DTNA: variants seen among roughly 807,000 people sequenced by gnomAD.
DTNA encodes the protein dystrobrevin alpha, also known as dystrophin-related protein 3.
A neutral mutation model predicts 100.7 loss-of-function variants in DTNA; 43 were observed. The ratio of observed to expected loss-of-function variants is 0.43; its 90% CI spans 0.33 to 0.55. DTNA has a LOEUF of 0.55. DTNA is among the 20% of genes least tolerant of loss of function. DTNA has a pLI of 0.04. For synonymous variants in DTNA, 349 were observed against 347.9 expected (o/e 1.00, Z -0.04); for missense variants, 798 against 953.9 (o/e 0.84, Z 2.15).
At chr18:34,714,301 C>A (rs1373921142) in intron 1 of DTNA, among the ~76,000 whole-genome samples, 1 of 147,188 alleles carries the variant, frequency 6.8e-6, no homozygotes, top group South Asian at 2.2e-4. Context: ...AGGCAACCTA[C>A]AAAATGGGAG....
chr18:34,702,804 G>A (rs2081563641), intron 1 of DTNA, among the ~76,000 whole-genome samples: 1 of 151,976 alleles, frequency 6.6e-6, no homozygotes, highest in Non-Finnish European at 1.5e-5. Flanking sequence ...AAAAAAAAGA[G>A]CAATCATAAA....
At chr18:34,538,745 G>A (rs1490918377) in intron 1 of DTNA, among the ~76,000 whole-genome samples, 1 of 151,938 alleles carries the variant, frequency 6.6e-6, no homozygotes, top group Non-Finnish European at 1.5e-5. Context: ...TTTACCTCAT[G>A]CAAAAATGAA....
intron 1 of DTNA, among the ~76,000 whole-genome samples, chr18:34,580,822 C>T (rs945377863): frequency 5.9e-5 from 9 of 152,146 alleles, no homozygotes; most frequent in Non-Finnish European, 1.2e-4. Flanking sequence ...CCTGCCCCAG[C>T]CTGTATCAAC....
At chr18:34,811,843 C>A (rs541254840) in intron 5 of DTNA, 116 bp from the exon 6 acceptor site, 24 of 1,211,554 alleles carry the variant, frequency 2.0e-5, no homozygotes, top group Non-Finnish European at 2.8e-5. Flanking sequence ...TTATATTATT[C>A]TTTCATAAAA....
At chr18:34,835,790 G>C (rs1041307755) in intron 11 of DTNA, among the ~76,000 whole-genome samples, 1 of 152,184 alleles carries the variant, frequency 6.6e-6, no homozygotes, top group African/African-American at 2.4e-5. Context: ...TGTGGTTGAC[G>C]TTCCTGTGTT....
intron 1 of DTNA, among the ~76,000 whole-genome samples, chr18:34,703,478 A>G (rs908643507): frequency 2.6e-5 from 4 of 152,130 alleles, no homozygotes; most frequent in Non-Finnish European, 4.4e-5. Flanking sequence ...CTTCTCTTCC[A>G]CTTTCCTTCC....
intron 1 of DTNA, among the ~76,000 whole-genome samples, chr18:34,609,659 T>G (rs1462859320): frequency 1.3e-5 from 2 of 152,050 alleles, no homozygotes; most frequent in Non-Finnish European, 2.9e-5. Flanking sequence ...CTTTGCAGAG[T>G]CCCCTTTATT....
At chr18:34,526,582 C>T (rs185428091) in intron 1 of DTNA, among the ~76,000 whole-genome samples, 4 of 152,038 alleles carry the variant, frequency 2.6e-5, no homozygotes, top group East Asian at 1.9e-4. Flanking sequence ...TAACAGAAAA[C>T]GGCCGTGTCC....
At chr18:34,866,873 T>C (rs2096710768) in intron 17 of DTNA, 2 of 1,072,460 alleles carry the variant, frequency 1.9e-6, no homozygotes, top group Admixed American at 5.2e-5. Context: ...GGTCATTACA[T>C]ACTTTTTTTT....
chr18:34,739,335 A>G (rs955094095), intron 1 of DTNA, among the ~76,000 whole-genome samples: 1 of 152,200 alleles, frequency 6.6e-6, no homozygotes, highest in South Asian at 2.1e-4. Flanking sequence ...ACAGACCTCC[A>G]TAAGATATTG....
intron 1 of DTNA, among the ~76,000 whole-genome samples, chr18:34,545,291 C>T (rs750075176): frequency 1.2e-4 from 19 of 152,070 alleles, no homozygotes; most frequent in Non-Finnish European, 1.8e-4. Flanking sequence ...ATCTTGAATC[C>T]CTTTGCAGTA....
At chr18:34,815,525 A>G (rs1281071723) in intron 6 of DTNA, 1 of 231,676 alleles carries the variant, frequency 4.3e-6, no homozygotes, top group Non-Finnish European at 8.6e-6. Context: ...TAGAAGACTG[A>G]CTGACAGGAA....
At chr18:34,507,319 G>A (rs2040588718) in intron 1 of DTNA, among the ~76,000 whole-genome samples, 1 of 152,116 alleles carries the variant, frequency 6.6e-6, no homozygotes, top group African/African-American at 2.4e-5. Flanking sequence ...TGTAGTTTTG[G>A]ACCAGTACGT....
rs187793468 is a variant in DTNA at position 34,826,854 on chromosome 18, A to T, written c.1002-739A>T. On this transcript the variant is annotated intron_variant, in intron 9 of 22. Coordinates refer to ENST00000444659, the MANE Select transcript of DTNA (RefSeq NM_001386795.1). ...ACTAAAACATTCATGATGGGGAAAG[A>T]ATGACAGAATGAAATGAAAATCAGA... Among the ~76,000 whole-genome samples, 135 of 152,274 alleles carry T rather than the reference A, an allele frequency of 8.9e-4. 1 individual carries two copies. In the Middle Eastern group the frequency reaches 0.027, roughly 31 times the overall value.
chr18:34,790,249 G>A (rs1040666583), intron 3 of DTNA, among the ~76,000 whole-genome samples: 11 of 152,176 alleles, frequency 7.2e-5, no homozygotes, highest in Middle Eastern at 3.4e-3. Flanking sequence ...CACATGCAAC[G>A]CAGAATGGGA....
intron 1 of DTNA, among the ~76,000 whole-genome samples, chr18:34,696,372 A>C (rs1478748286): frequency 6.6e-6 from 1 of 152,040 alleles, no homozygotes; most frequent in Non-Finnish European, 1.5e-5. Flanking sequence ...AGGTCAAGAG[A>C]TCAAGACCAC....
intron 1 of DTNA, among the ~76,000 whole-genome samples, chr18:34,516,097 G>T (rs2041585688): frequency 6.6e-6 from 1 of 152,032 alleles, no homozygotes; most frequent in Non-Finnish European, 1.5e-5. Context: ...TTCAACGTAG[G>T]TTCTTTTCTA....
intron 1 of DTNA, among the ~76,000 whole-genome samples, chr18:34,572,434 C>T (rs997446203): frequency 6.6e-6 from 1 of 152,160 alleles, no homozygotes; most frequent in Admixed American, 6.5e-5. Context: ...CATATAGCAG[C>T]TCATTTAGTA....
intron 11 of DTNA, among the ~76,000 whole-genome samples, chr18:34,832,821 T>C (rs369254119): frequency 3.0e-4 from 46 of 152,188 alleles, no homozygotes; most frequent in African/African-American, 8.7e-4. Context: ...ACAAAACAGA[T>C]TTCTGGATTT....
Sources: gnomAD v4.1 joint callset for allele counts (sites outside exome capture counted in the v4.1 genomes callset) on GRCh38, gnomAD v4.1.1 for gene constraint, MANE v1.5 for transcripts, NCBI Gene and HGNC (gene_info 2026-07-23, HGNC 2026-07-21) for gene names.